Variants in STEAP1B observed in about 807,000 individuals in gnomAD.
STEAP1B encodes the protein STEAP family member 1B.
In STEAP1B, 13 loss-of-function variants were observed where a neutral mutation model predicts 27.9. The ratio of observed to expected loss-of-function variants is 0.47; its 90% confidence interval spans 0.30 to 0.74. The LOEUF (loss-of-function observed/expected upper bound fraction) is 0.74, where lower values mean the gene tolerates loss of function less well. STEAP1B is among the 30% of genes least tolerant of loss of function. STEAP1B has a pLI of 0.06. For missense variants in STEAP1B, 250 were observed against 298.7 expected, an observed-to-expected ratio of 0.84 and a Z score of 1.20; for synonymous variants, 86 against 107.1, an observed-to-expected ratio of 0.80 and a Z score of 1.22.
chr7:22,459,161 T>C (rs1397973170), intron 4 of STEAP1B, among the ~76,000 whole-genome samples: 1 of 152,222 alleles, frequency 6.6e-6, no homozygotes, highest in Non-Finnish European at 1.5e-5. Flanking sequence ...ATTTGCACTT[T>C]AGTTAGTGCA....
intron 3 of STEAP1B, among the ~76,000 whole-genome samples, 197 bp downstream of exon 3, chr7:22,493,127 G>A (rs1161095627): frequency 6.6e-6 from 1 of 152,130 alleles, no homozygotes; most frequent in Non-Finnish European, 1.5e-5. Context: ...CTTATTTTCA[G>A]CTTAAAAAAC....
rs1372841265 is a variant in STEAP1B, at chr7:22,440,480, C to A, written c.763-20644G>T. On this transcript the variant is annotated intron_variant, in intron 4 of 4. Transcript: ENST00000678116. The stretch of plus-strand genomic sequence containing the variant: ...GATAAATGGGGGCCAAATACATACC[C>A]TGTAAAGTTATTCAGGCTGAAATAT... 2.0e-5 allele frequency among the ~76,000 whole-genome samples: 3 copies of A among 152,096 alleles called. No individual in the cohort carries two copies. The East Asian group carries it at 5.8e-4, about 29-fold the overall frequency.
intron 4 of STEAP1B, among the ~76,000 whole-genome samples, chr7:22,444,221 G>A (rs1785375279): frequency 6.6e-6 from 1 of 152,186 alleles, no homozygotes; most frequent in South Asian, 2.1e-4. Context: ...GCAAAGGAGT[G>A]AGGGTACCTG....
chr7:22,481,029 T>C (rs796840721), intron 4 of STEAP1B, among the ~76,000 whole-genome samples: 15 of 152,344 alleles, frequency 9.8e-5, no homozygotes, highest in African/African-American at 3.4e-4. Flanking sequence ...AAGCACTCAA[T>C]GTGCAGAATG....
chr7:22,455,648 T>C (rs1212233020), intron 4 of STEAP1B, among the ~76,000 whole-genome samples: 3 of 152,202 alleles, frequency 2.0e-5, no homozygotes, highest in African/African-American at 7.2e-5. Context: ...AAATAACTTT[T>C]CCCAACACGT....
At chr7:22,456,972 A>ATATATATATATATTTTTT in intron 4 of STEAP1B, among the ~76,000 whole-genome samples, 1 of 57,046 alleles carries the variant, frequency 1.8e-5, no homozygotes, top group African/African-American at 7.0e-5. Context: ...ATATATATAT[A>ATATATATATATATTTTTT]TTTTTTTTTT....
intron 4 of STEAP1B, among the ~76,000 whole-genome samples, chr7:22,442,104 T>C (rs554603415): frequency 6.6e-6 from 1 of 152,268 alleles, no homozygotes; most frequent in East Asian, 1.9e-4. Context: ...TAAGTACTTG[T>C]GGAATGAATA....
At chr7:22,499,921 A>G (rs6461648) in intron 1 of STEAP1B, among the ~76,000 whole-genome samples, 193 bp downstream of exon 1, 126,949 of 152,208 alleles carry the variant, frequency 0.83, 53,362 homozygotes, top group East Asian at 0.99. Flanking sequence ...GGGCTGGAAG[A>G]CAGGGCGCCC....
intron 4 of STEAP1B, among the ~76,000 whole-genome samples, chr7:22,477,981 C>A (rs1786002164): frequency 6.6e-6 from 1 of 152,158 alleles, no homozygotes; most frequent in Non-Finnish European, 1.5e-5. Context: ...CTACTCCGTG[C>A]CAAGGTGCTG....
At chr7:22,459,894 G>A (rs988572015) in intron 4 of STEAP1B, among the ~76,000 whole-genome samples, 1 of 152,138 alleles carries the variant, frequency 6.6e-6, no homozygotes, top group Non-Finnish European at 1.5e-5. Flanking sequence ...CATATCTAGT[G>A]ACATTTAGTT....
chr7:22,473,259 C>A (rs1785916049), intron 4 of STEAP1B, among the ~76,000 whole-genome samples: 1 of 152,126 alleles, frequency 6.6e-6, no homozygotes, highest in African/African-American at 2.4e-5. Flanking sequence ...AGGAAGGACA[C>A]CCTTTCTAGT....
chr7:22,472,424 C>A (rs7778463), intron 4 of STEAP1B, among the ~76,000 whole-genome samples: 71,350 of 152,002 alleles, frequency 0.47, 17,116 homozygotes, highest in African/African-American at 0.57. Context: ...ATCAGCTTGG[C>A]GTCTTTGATG....
chr7:22,494,295 AT>A (rs2128418404), intron 2 of STEAP1B, among the ~76,000 whole-genome samples: 1 of 151,974 alleles, frequency 6.6e-6, no homozygotes, highest in African/African-American at 2.4e-5. Flanking sequence ...GGAAAAAGTG[AT>A]TCTTATCTAA....
chr7:22,468,604 C>T (rs1785827052), intron 4 of STEAP1B, among the ~76,000 whole-genome samples: 1 of 151,984 alleles, frequency 6.6e-6, no homozygotes, highest in Admixed American at 6.6e-5. Context: ...CAAAGACCTG[C>T]ACACAAACAC....
chr7:22,456,887 G>A (rs1248995793), intron 4 of STEAP1B, among the ~76,000 whole-genome samples: 2 of 146,292 alleles, frequency 1.4e-5, no homozygotes, highest in South Asian at 4.5e-4. Context: ...AAGCCCAGCT[G>A]CGTGTAAGAT....
chr7:22,479,482 T>C (rs563700282), intron 4 of STEAP1B, among the ~76,000 whole-genome samples: 1 of 152,262 alleles, frequency 6.6e-6, no homozygotes, highest in East Asian at 1.9e-4. Context: ...TTATTATCCT[T>C]GTAGAGTAAC....
rs1382733874 is a variant in STEAP1B at position 22,421,332 on chromosome 7, A to C, written c.763-1496T>G. On this transcript the variant is annotated intron_variant, in intron 4 of 4. Transcript: ENST00000678116. Reference sequence around the variant, plus strand: ...CAATGTCATCATTATTTGAATGCTTAATATGTGCCACACATTGTGCTGAGC... The same window carrying C: ...CAATGTCATCATTATTTGAATGCTTCATATGTGCCACACATTGTGCTGAGC... Among the ~76,000 whole-genome samples the C allele has an allele frequency of 9.2e-5, 14 of 152,238 alleles. 1 individual carries two copies. The highest frequency in any genetic ancestry group is 7.2e-4 in the Admixed American group (11 of 15,282).
intron 4 of STEAP1B, among the ~76,000 whole-genome samples, chr7:22,420,214 T>C (rs780490900): frequency 4.6e-5 from 7 of 152,160 alleles, no homozygotes; most frequent in Non-Finnish European, 5.9e-5. Flanking sequence ...AACTTGTGAA[T>C]TGGGTAACAA....
At chr7:22,425,497 ACAGT>A (rs1353272159) in intron 4 of STEAP1B, among the ~76,000 whole-genome samples, 1 of 152,214 alleles carries the variant, frequency 6.6e-6, no homozygotes, top group African/African-American at 2.4e-5. Flanking sequence ...CATTAAAAAA[ACAGT>A]CAGTTGGCAT....
Sources: allele counts gnomAD v4.1 joint callset (sites outside exome capture counted in the v4.1 genomes callset), GRCh38; gene constraint gnomAD v4.1.1; transcripts MANE v1.5; gene names NCBI Gene and HGNC (gene_info 2026-07-23, HGNC 2026-07-21).